LARGE1: variants seen among roughly 807,000 people sequenced by gnomAD.
LARGE1 encodes xylosyl- and glucuronyltransferase LARGE1.
A neutral mutation model predicts 87.6 loss-of-function variants in LARGE1; 43 were observed. The ratio of observed to expected loss-of-function variants is 0.49; its 90% CI spans 0.38 to 0.63. The LOEUF is 0.63. LARGE1 is among the 30% of genes least tolerant of loss of function. LARGE1 has a pLI of 0.00. For synonymous variants in LARGE1, 434 were observed against 394.6 expected, an observed-to-expected ratio of 1.10 and a Z score of -1.18; for missense variants, 802 against 1,000.2, an observed-to-expected ratio of 0.80 and a Z score of 2.67.
chr22:33,475,189 G>A (rs545621498), intron 6 of LARGE1, among the ~76,000 whole-genome samples: 1 of 152,192 alleles, frequency 6.6e-6, no homozygotes, highest in East Asian at 1.9e-4. Flanking sequence ...GATGAATACT[G>A]GGGTGGGACT....
At position 33,840,034 on chromosome 22, in the gene LARGE1, GAAAATGCCTCT is replaced by G. The variant is rs1181804776; in HGVS notation, c.-82-78487_-82-78477del. Among the ~76,000 whole-genome samples, 12 of 152,184 alleles carry G rather than the reference GAAAATGCCTCT, an allele frequency of 7.9e-5. No individual in the cohort carries two copies. The East Asian group carries it at 1.7e-3, about 22-fold the overall frequency. On this transcript the variant is annotated intron_variant, in intron 1 of 14. Coordinates refer to ENST00000397394, the MANE Select transcript of LARGE1 (RefSeq NM_133642.5). ...ACGATCTATGGGCCAGATCATTAGA[GAAAATGCCTCT>G]AAAATGCCTCCGAATTGAAGGTGGT...
chr22:33,406,238 A>G (rs1340210653), intron 7 of LARGE1, among the ~76,000 whole-genome samples: 1 of 151,874 alleles, frequency 6.6e-6, no homozygotes, highest in Admixed American at 6.6e-5. Context: ...GTATACCCAG[A>G]CTTGCCTGGC....
At chr22:33,224,996 G>A (rs931429361) in intron 11 of LARGE1, among the ~76,000 whole-genome samples, 24 of 152,228 alleles carry the variant, frequency 1.6e-4, no homozygotes, top group Non-Finnish European at 2.8e-4. Context: ...CTGCCAGGTC[G>A]CTGACTGGAA....
intron 9 of LARGE1, among the ~76,000 whole-genome samples, chr22:33,380,157 G>A (rs1465460491): frequency 6.6e-6 from 1 of 152,028 alleles, no homozygotes; most frequent in East Asian, 1.9e-4. Flanking sequence ...TTTTAATCCA[G>A]CATTTTTACA....
chr22:33,632,541 T>C (rs1308266438), intron 3 of LARGE1, among the ~76,000 whole-genome samples: 2 of 53,872 alleles, frequency 3.7e-5, no homozygotes, highest in African/African-American at 8.2e-5. Flanking sequence ...CCGGCTCCTG[T>C]CAGGGGCCCA....
intron 1 of LARGE1, among the ~76,000 whole-genome samples, chr22:33,864,231 A>G (rs541573693): frequency 6.6e-6 from 1 of 152,288 alleles, no homozygotes; most frequent in African/African-American, 2.4e-5. Flanking sequence ...ATTTACTTCA[A>G]TAATCCTGGA....
At chr22:33,594,664 T>C (rs2078930461) in intron 5 of LARGE1, among the ~76,000 whole-genome samples, 1 of 152,238 alleles carries the variant, frequency 6.6e-6, no homozygotes, top group African/African-American at 2.4e-5. Flanking sequence ...TGGAGTGCAA[T>C]GGCGCAATCT....
At chr22:33,177,064 A>G (rs944324575) in intron 11 of LARGE1, among the ~76,000 whole-genome samples, 8 of 152,210 alleles carry the variant, frequency 5.3e-5, no homozygotes, top group Non-Finnish European at 1.2e-4. Flanking sequence ...AGGAAAGAAA[A>G]CCAATCATCG....
chr22:33,477,041 A>G (rs947258220), intron 6 of LARGE1, among the ~76,000 whole-genome samples: 6 of 152,204 alleles, frequency 3.9e-5, no homozygotes, highest in African/African-American at 1.4e-4. Context: ...TCCTGGGAAA[A>G]GTTTCCAAAG....
chr22:33,083,356 T>A, the LARGE1 span, among the ~76,000 whole-genome samples: 344 of 152,336 alleles, frequency 2.3e-3, 3 homozygotes, highest in African/African-American at 8.0e-3. Context: ...AGATAGGGAC[T>A]CCCTGCTGAT....
At chr22:33,792,477 TA>T (rs532268695) in intron 1 of LARGE1, among the ~76,000 whole-genome samples, 102 of 152,240 alleles carry the variant, frequency 6.7e-4, no homozygotes, top group Non-Finnish European at 1.3e-3. Context: ...CTTTCCTTTA[TA>T]AACTGCACAG....
intron 2 of LARGE1, among the ~76,000 whole-genome samples, chr22:33,677,758 G>GC (rs3216425): frequency 3.1e-3 from 118 of 37,788 alleles, no homozygotes; most frequent in Non-Finnish European, 5.2e-3. Context: ...AGCCTCTCCT[G>GC]TCCAGACCAA....
At chr22:33,746,256 AT>A (rs1255795041) in intron 2 of LARGE1, among the ~76,000 whole-genome samples, 1 of 152,220 alleles carries the variant, frequency 6.6e-6, no homozygotes, top group African/African-American at 2.4e-5. Context: ...CAAAATAAGA[AT>A]ATTAGCACCT....
intron 2 of LARGE1, among the ~76,000 whole-genome samples, chr22:33,698,479 T>C (rs1057498426): frequency 1.3e-5 from 2 of 149,578 alleles, no homozygotes; most frequent in African/African-American, 4.9e-5. Flanking sequence ...TTTTGTATTC[T>C]TTTTGCTTTT....
intron 6 of LARGE1, among the ~76,000 whole-genome samples, chr22:33,447,488 G>A (rs531048247): frequency 8.5e-5 from 13 of 152,294 alleles, no homozygotes; most frequent in African/African-American, 2.6e-4. Flanking sequence ...GCTTGAGCCC[G>A]GAAGGAAGGG....
intron 1 of LARGE1, among the ~76,000 whole-genome samples, chr22:33,908,763 G>A (rs1259620986): frequency 6.6e-6 from 1 of 152,158 alleles, no homozygotes; most frequent in Non-Finnish European, 1.5e-5. Flanking sequence ...GAGAAATTCT[G>A]TTATCCAGAA....
intron 10 of LARGE1, among the ~76,000 whole-genome samples, chr22:33,329,732 T>TA (rs1937522388): frequency 6.6e-6 from 1 of 152,182 alleles, no homozygotes; most frequent in South Asian, 2.1e-4. Flanking sequence ...GGCATACACT[T>TA]TAGCAGCAAG....
At chr22:33,202,451 A>G in intron 11 of LARGE1, among the ~76,000 whole-genome samples, 1 of 152,192 alleles carries the variant, frequency 6.6e-6, no homozygotes, top group East Asian at 1.9e-4. Context: ...TCTTAATCAA[A>G]GGGAACTTGA....
At chr22:33,625,052 A>C (rs1484026645) in intron 4 of LARGE1, among the ~76,000 whole-genome samples, 2 of 152,182 alleles carry the variant, frequency 1.3e-5, no homozygotes, top group African/African-American at 4.8e-5. Context: ...TATGCCATTG[A>C]CAGATTCAGG....
Sources: gnomAD v4.1 joint callset for allele counts (sites outside exome capture counted in the v4.1 genomes callset) on GRCh38, gnomAD v4.1.1 for gene constraint, MANE v1.5 for transcripts, NCBI Gene and HGNC (gene_info 2026-07-23, HGNC 2026-07-21) for gene names.